Variants in EXOC6B observed in about 807,000 individuals in gnomAD.
EXOC6B encodes the protein SEC15 homolog B.
In EXOC6B, 54 loss-of-function variants were observed where a neutral mutation model predicts 113.5. The observed-to-expected ratio is 0.48, with a 90% confidence interval of 0.38 to 0.60. The LOEUF (loss-of-function observed/expected upper bound fraction) is 0.60. Ranked by LOEUF, EXOC6B falls within the 20% of genes least tolerant of loss-of-function variation. EXOC6B has a pLI of 0.00. For synonymous variants in EXOC6B, 357 were observed against 339.0 expected (o/e 1.05, Z -0.58); for missense variants, 797 against 977.5 (o/e 0.82, Z 2.46).
chr2:72,427,614 G>A (rs1445039126), intron 18 of EXOC6B, among the ~76,000 whole-genome samples: 2 of 152,190 alleles, frequency 1.3e-5, no homozygotes, highest in Admixed American at 6.5e-5. Flanking sequence ...GGAACATGAG[G>A]GGGTGCTGAG....
At chr2:72,661,332 A>G (rs1674997282) in intron 6 of EXOC6B, among the ~76,000 whole-genome samples, 1 of 151,598 alleles carries the variant, frequency 6.6e-6, no homozygotes, top group Non-Finnish European at 1.5e-5. Flanking sequence ...GTACTCACAG[A>G]TAACGTAATT....
At chr2:72,196,130 T>C (rs2104306931) in intron 20 of EXOC6B, among the ~76,000 whole-genome samples, 1 of 152,300 alleles carries the variant, frequency 6.6e-6, no homozygotes, top group East Asian at 1.9e-4. Flanking sequence ...TCAAAAAACT[T>C]TGGAGACACT....
At chr2:72,728,750 G>C (rs975665237) in intron 5 of EXOC6B, among the ~76,000 whole-genome samples, 2 of 152,050 alleles carry the variant, frequency 1.3e-5, no homozygotes, top group Non-Finnish European at 2.9e-5. Flanking sequence ...AAGTCACATG[G>C]AACTGGGAAC....
At chr2:72,413,153 G>A (rs1322727081) in intron 18 of EXOC6B, among the ~76,000 whole-genome samples, 1 of 151,722 alleles carries the variant, frequency 6.6e-6, no homozygotes, top group East Asian at 2.0e-4. Flanking sequence ...AGTAGAGACG[G>A]GGTTTCACCA....
At chr2:72,633,689 A>G (rs748822221) in intron 6 of EXOC6B, among the ~76,000 whole-genome samples, 1 of 152,218 alleles carries the variant, frequency 6.6e-6, no homozygotes, top group Non-Finnish European at 1.5e-5. Context: ...CACCTGGAAC[A>G]GTACCATGGA....
chr2:72,668,684 C>T (rs1233284244), intron 6 of EXOC6B, among the ~76,000 whole-genome samples: 2 of 152,168 alleles, frequency 1.3e-5, no homozygotes, highest in Non-Finnish European at 1.5e-5. Flanking sequence ...CCAAATACCA[C>T]ATGTTCTCAC....
chr2:72,204,355 G>T (rs1486845412), intron 20 of EXOC6B, among the ~76,000 whole-genome samples: 1 of 152,118 alleles, frequency 6.6e-6, no homozygotes, highest in Non-Finnish European at 1.5e-5. Context: ...GGCTCCACAA[G>T]GTTCTAGTCT....
At chr2:72,801,065 G>A (rs988625443) in intron 1 of EXOC6B, among the ~76,000 whole-genome samples, 3 of 152,144 alleles carry the variant, frequency 2.0e-5, no homozygotes, top group Non-Finnish European at 4.4e-5. Context: ...ACGTATTTGG[G>A]CTTGGTAGAA....
chr2:72,704,563 A>T (rs906061323), intron 6 of EXOC6B, among the ~76,000 whole-genome samples: 27 of 152,258 alleles, frequency 1.8e-4, no homozygotes, highest in South Asian at 1.2e-3. Flanking sequence ...AGGATCAACA[A>T]CATTGATAGA....
chr2:72,405,993 A>G (rs1693728078), intron 18 of EXOC6B, among the ~76,000 whole-genome samples: 1 of 152,228 alleles, frequency 6.6e-6, no homozygotes, highest in East Asian at 1.9e-4. Context: ...GCTCAAAATA[A>G]AGGGATGGAG....
chr2:72,227,208 T>A (rs1220481499), intron 20 of EXOC6B, among the ~76,000 whole-genome samples: 1 of 152,126 alleles, frequency 6.6e-6, no homozygotes, highest in Non-Finnish European at 1.5e-5. Context: ...CAAATCCAAC[T>A]ATATGCTGCC....
At chr2:72,471,727 C>A (rs191868646) in intron 17 of EXOC6B, among the ~76,000 whole-genome samples, 2 of 152,152 alleles carry the variant, frequency 1.3e-5, no homozygotes, top group African/African-American at 4.8e-5. Context: ...CTAGCTCAGA[C>A]TTCCAATACT....
chr2:72,290,934 T>C (rs563119735), intron 20 of EXOC6B, among the ~76,000 whole-genome samples: 1 of 152,308 alleles, frequency 6.6e-6, no homozygotes, highest in African/African-American at 2.4e-5. Flanking sequence ...AAATCAAATA[T>C]GTAATCTTTA....
chr2:72,516,258 AT>A (rs1414935667), intron 8 of EXOC6B, among the ~76,000 whole-genome samples: 1 of 151,544 alleles, frequency 6.6e-6, no homozygotes. Flanking sequence ...TTTTACTTTT[AT>A]TTTTTTTGAG....
At chr2:72,633,670 C>T (rs1384700997) in intron 6 of EXOC6B, among the ~76,000 whole-genome samples, 1 of 152,120 alleles carries the variant, frequency 6.6e-6, no homozygotes, top group Non-Finnish European at 1.5e-5. Flanking sequence ...TATGTAAATA[C>T]AGGTAAAACA....
At chr2:72,574,417 G>A (rs1284033431) in intron 7 of EXOC6B, among the ~76,000 whole-genome samples, 3 of 152,246 alleles carry the variant, frequency 2.0e-5, no homozygotes, top group African/African-American at 7.2e-5. Flanking sequence ...AGAGACTACT[G>A]CCTCTACTTA....
intron 5 of EXOC6B, among the ~76,000 whole-genome samples, chr2:72,727,340 T>C (rs1011697367): frequency 2.0e-5 from 3 of 152,028 alleles, no homozygotes; most frequent in African/African-American, 7.2e-5. Context: ...AGATGAGAGA[T>C]TTTTAAAGAA....
Position 72,492,374 on chromosome 2 carries a change from T to C in EXOC6B, c.1609A>G (p.Thr537Ala). The stretch of plus-strand genomic sequence containing the variant: ...ACATTCTGCAGAGAGTTGCTCAGAG[T>C]CCTGGTTAGCAACAGGTTTGTTGAT... Reference protein sequence around the residue: ...RKSTNLLLTRTLSNSLQNVIK... With the variant: ...RKSTNLLLTRALSNSLQNVIK... The change falls in exon 16 of 22, where the codon ACT becomes GCT. Residue 537 changes from threonine (T) to alanine (A), a missense_variant. Coordinates refer to ENST00000272427, the MANE Select transcript of EXOC6B (RefSeq NM_015189.3). The C allele has an allele frequency of 6.2e-7, 1 of 1,613,098 alleles. No individual in the cohort carries two copies. Among genetic ancestry groups the C allele is most frequent in the Non-Finnish European group, 8.5e-7 (1 of 1,179,224 alleles).
At chr2:72,774,686 G>A (rs1472996391) in intron 1 of EXOC6B, among the ~76,000 whole-genome samples, 2 of 152,102 alleles carry the variant, frequency 1.3e-5, no homozygotes, top group African/African-American at 4.8e-5. Flanking sequence ...CAAAAAATAT[G>A]TAGTATCTTT....
Sources: allele counts gnomAD v4.1 joint callset (sites outside exome capture counted in the v4.1 genomes callset), GRCh38; gene constraint gnomAD v4.1.1; transcripts MANE v1.5; gene names NCBI Gene and HGNC (gene_info 2026-07-23, HGNC 2026-07-21).